Variants in EP400 observed in about 807,000 individuals in gnomAD.
EP400 encodes the protein E1A-binding protein p400.
In EP400, 105 loss-of-function variants were observed where a neutral mutation model predicts 354.1. That is an observed-to-expected ratio of 0.30 (90% confidence interval 0.25 to 0.35). EP400 has a LOEUF of 0.35. Among genes scored for constraint, EP400 ranks in the 10% least tolerant of loss-of-function variants. The pLI is 1.00. For missense variants in EP400, 3,280 were observed against 4,121.0 expected (o/e 0.80, Z 5.59); for synonymous variants, 1,646 against 1,716.9 (o/e 0.96, Z 1.02).
chr12:131,955,767 C>G (rs1274579863), intron 1 of EP400, among the ~76,000 whole-genome samples: 1 of 152,114 alleles, frequency 6.6e-6, no homozygotes, highest in Non-Finnish European at 1.5e-5. Context: ...TCCTCAGCCT[C>G]CCGAGTAGCT....
At chr12:131,967,274 G>C (rs946869185) in intron 2 of EP400, among the ~76,000 whole-genome samples, 2 of 151,272 alleles carry the variant, frequency 1.3e-5, no homozygotes, top group Non-Finnish European at 2.9e-5. Context: ...CCAACTACTC[G>C]GGAGGCTGAG....
chr12:132,076,914 G>A (rs1275154238), intron 52 of EP400, among the ~76,000 whole-genome samples: 3 of 152,232 alleles, frequency 2.0e-5, no homozygotes, highest in Non-Finnish European at 4.4e-5. Context: ...AGCAGGCTCC[G>A]CTCGGGGCCC....
At chr12:131,997,294 A>G (rs1893247780) in intron 12 of EP400, among the ~76,000 whole-genome samples, 1 of 150,616 alleles carries the variant, frequency 6.6e-6, no homozygotes, top group Admixed American at 6.6e-5. Flanking sequence ...TTTTTGAGAC[A>G]GAGTCTCACT....
intron 23 of EP400, among the ~76,000 whole-genome samples, chr12:132,021,696 C>T (rs1032992687): frequency 6.6e-6 from 1 of 152,250 alleles, no homozygotes; most frequent in Non-Finnish European, 1.5e-5. Flanking sequence ...ACAGCGACTG[C>T]ATTTGGGAAG....
At chr12:132,033,060 G>A (rs985514263) in intron 30 of EP400, among the ~76,000 whole-genome samples, 12 of 152,210 alleles carry the variant, frequency 7.9e-5, no homozygotes, top group African/African-American at 1.2e-4. Context: ...CGATTCTTCC[G>A]CCTCAGCCCC....
intron 24 of EP400, among the ~76,000 whole-genome samples, chr12:132,024,807 A>AC (rs909641222): frequency 2.4e-4 from 14 of 57,868 alleles, no homozygotes; most frequent in Admixed American, 1.7e-3. Flanking sequence ...CCTCCCCGCC[A>AC]CCCCCCCACA....
In EP400 at chr12:132,067,586, C is replaced by G; in HGVS notation, c.8874+100C>G. 1 of 1,496,534 alleles carries G rather than the reference C, an allele frequency of 6.7e-7. No individual in the cohort carries two copies. The allele number at this position is 1,496,534 out of a possible 1,614,324, so 92.7% of individuals were successfully genotyped here. On this transcript the variant is annotated intron_variant, in intron 50 of 52. Transcript: ENST00000389561. This position sits in a 1 kb window ranked among gnomAD's most constrained non-coding sequence, Gnocchi z 5.3. ...GCAGACAAATCCCCATGTGGCGGCT[C>G]ACGCTTTTCAGAGGGTGGCTTCAAG...
chr12:132,030,292 T>C lies in EP400; in HGVS notation c.5754+134T>C, dbSNP rs199819117. On this transcript the variant is annotated intron_variant, in intron 29 of 52. Coordinates refer to ENST00000389561, the MANE Select transcript of EP400 (RefSeq NM_015409.5). Reference sequence around the variant, plus strand: ...GGGACTTAATGAGCTTCTGAACTTTTTAAAGTCTCAATCCATCCTTCGATA... The same window carrying C: ...GGGACTTAATGAGCTTCTGAACTTTCTAAAGTCTCAATCCATCCTTCGATA... 99 of 1,056,218 alleles carry C rather than the reference T, an allele frequency of 9.4e-5. No homozygotes were observed. In the East Asian group the frequency reaches 1.4e-3, roughly 15 times the overall value. The allele number at this position is 1,056,218 out of a possible 1,614,324, so 65.4% of individuals were successfully genotyped here. A position where few individuals can be genotyped will look rare whatever the true frequency, so the allele number is the denominator to read the frequency against.
intron 2 of EP400, among the ~76,000 whole-genome samples, chr12:131,962,504 C>T (rs955014125): frequency 3.9e-5 from 6 of 152,186 alleles, no homozygotes; most frequent in African/African-American, 1.4e-4. Flanking sequence ...GGACCTTCAT[C>T]ATTAAAATAG....
intron 37 of EP400, 80 bp from the exon 38 acceptor site, chr12:132,045,239 G>A: frequency 1.3e-6 from 2 of 1,570,172 alleles, no homozygotes; most frequent in Non-Finnish European, 1.7e-6. Flanking sequence ...AGACTTGCCT[G>A]ACCTGTTTCC....
At chr12:131,988,132 G>A (rs1168004393) in intron 7 of EP400, among the ~76,000 whole-genome samples, 3 of 151,948 alleles carry the variant, frequency 2.0e-5, no homozygotes, top group Non-Finnish European at 2.9e-5. Context: ...TCGGCCTCCT[G>A]GAGTGCTGGG....
rs1466193865 is a variant in EP400, at chr12:132,054,564, A to G, written c.7729-410A>G. The stretch of plus-strand genomic sequence containing the variant: ...ACTTGGCATTTGAGCTAAGGCCTGA[A>G]TGACAAGGAGTTGGTCATAAGAAGA... On this transcript the variant is annotated intron_variant, in intron 43 of 52. Transcript: ENST00000389561. This position sits in a 1 kb window ranked among gnomAD's most constrained non-coding sequence, Gnocchi z 4.0. Among the ~76,000 whole-genome samples, 3 of 152,224 alleles carry G rather than the reference A, an allele frequency of 2.0e-5. No homozygotes were observed. The highest frequency in any genetic ancestry group is 4.4e-5 in the Non-Finnish European group (3 of 68,036).
chr12:131,957,999 CTTTCCCCTGGTT>C (rs1427993901), intron 1 of EP400, among the ~76,000 whole-genome samples: 1 of 152,130 alleles, frequency 6.6e-6, no homozygotes, highest in Non-Finnish European at 1.5e-5. Context: ...TAACCCTTAC[CTTTCCCCTGGTT>C]TTCTGAATTA....
At chr12:132,066,639 T>C in intron 48 of EP400, 135 bp from the exon 49 acceptor site, 2 of 941,702 alleles carry the variant, frequency 2.1e-6, no homozygotes, top group South Asian at 3.5e-5. Context: ...TCAGTTTTCC[T>C]TTCCTGTTGG....
Position 132,058,137 on chromosome 12 carries a change from A to G in EP400, c.7884+2929A>G, listed in dbSNP as rs1328750051. Reference sequence around the variant, plus strand: ...CCACAGAACTGGCCCTTCTGAATGCAGGGCCAGTCTTGTGAGCGGAGGGTC... The same window carrying G: ...CCACAGAACTGGCCCTTCTGAATGCGGGGCCAGTCTTGTGAGCGGAGGGTC... On this transcript the variant is annotated intron_variant, in intron 45 of 52. Coordinates refer to ENST00000389561, the MANE Select transcript of EP400 (RefSeq NM_015409.5). 2.0e-5 allele frequency among the ~76,000 whole-genome samples: 3 copies of G among 151,890 alleles called. No homozygotes were observed. The East Asian group carries it at 5.8e-4, about 29-fold the overall frequency.
At chr12:132,028,739 C>T (rs551957615) in intron 27 of EP400, among the ~76,000 whole-genome samples, 41 of 152,362 alleles carry the variant, frequency 2.7e-4, no homozygotes, top group African/African-American at 9.6e-4. Context: ...CACCCGGCCG[C>T]TCTCAACTGA....
chr12:131,951,128 G>A (rs1317935686), intron 1 of EP400, among the ~76,000 whole-genome samples: 5 of 144,434 alleles, frequency 3.5e-5, no homozygotes, highest in African/African-American at 1.0e-4. Context: ...ATGTTGGTCC[G>A]GCTGGTCTGG....
chr12:132,005,743 G>C (rs558048456), intron 13 of EP400, among the ~76,000 whole-genome samples: 1 of 152,192 alleles, frequency 6.6e-6, no homozygotes, highest in South Asian at 2.1e-4. Context: ...ATTTGGGAAA[G>C]GGTTCTGCTT....
At chr12:131,984,386 C>G (rs1220494200) in intron 5 of EP400, among the ~76,000 whole-genome samples, 1 of 152,108 alleles carries the variant, frequency 6.6e-6, no homozygotes, top group African/African-American at 2.4e-5. Context: ...TTTACTATCT[C>G]CATTTTATAG....
Sources: allele counts gnomAD v4.1 joint callset (sites outside exome capture counted in the v4.1 genomes callset), GRCh38; gene constraint gnomAD v4.1.1; non-coding constraint Gnocchi (gnomAD v3.1); transcripts MANE v1.5; gene names NCBI Gene and HGNC (gene_info 2026-07-23, HGNC 2026-07-21).